The following ESR1 variants were observed in gnomAD, a reference collection of about 807,000 sequenced individuals.
ESR1 encodes the protein estrogen receptor.
A neutral mutation model predicts 52.7 loss-of-function variants in ESR1; 12 were observed. That is an observed-to-expected ratio of 0.23 (90% CI 0.15 to 0.37). The LOEUF is 0.37. Ranked by LOEUF, ESR1 falls within the 10% of genes least tolerant of loss-of-function variation. The pLI is 1.00. For missense variants in ESR1, 584 were observed against 779.7 expected (o/e 0.75, Z 2.99); for synonymous variants, 305 against 316.8 (o/e 0.96, Z 0.39).
chr6:151,982,200 A>G (rs528051349), intron 4 of ESR1, among the ~76,000 whole-genome samples: 1 of 152,324 alleles, frequency 6.6e-6, no homozygotes, highest in African/African-American at 2.4e-5. Context: ...AACGCCAGGG[A>G]AAAAGAGGGA....
chr6:151,672,827 ATTTTT>A (rs11365774), intron 1 of ESR1, among the ~76,000 whole-genome samples: 1 of 121,154 alleles, frequency 8.3e-6, no homozygotes. Context: ...TTCATGATCA[ATTTTT>A]TTTTTTTTTT....
At chr6:151,727,039 T>A (rs1225052177) in intron 2 of ESR1, among the ~76,000 whole-genome samples, 1 of 152,154 alleles carries the variant, frequency 6.6e-6, no homozygotes, top group East Asian at 1.9e-4. Flanking sequence ...CTAACTTGGC[T>A]AACAGCAATT....
chr6:151,908,673 T>TATG (rs1156786082), intron 3 of ESR1, among the ~76,000 whole-genome samples: 4 of 152,168 alleles, frequency 2.6e-5, no homozygotes, highest in Non-Finnish European at 5.9e-5. Context: ...TTAACTTTCC[T>TATG]ATCCCTGTAT....
intron 1 of ESR1, among the ~76,000 whole-genome samples, chr6:151,814,365 T>G (rs559607918): frequency 5.3e-4 from 80 of 152,324 alleles, no homozygotes; most frequent in African/African-American, 1.8e-3. Context: ...TACATAGAAG[T>G]TTAAACTCCC....
At chr6:152,014,927 C>T (rs2043051874) in intron 5 of ESR1, among the ~76,000 whole-genome samples, 1 of 152,008 alleles carries the variant, frequency 6.6e-6, no homozygotes, top group Admixed American at 6.6e-5. Flanking sequence ...GTTAGCCGGG[C>T]ATGGTGGCTC....
At chr6:151,962,112 G>A (rs2037738974) in intron 4 of ESR1, among the ~76,000 whole-genome samples, 1 of 152,142 alleles carries the variant, frequency 6.6e-6, no homozygotes, top group South Asian at 2.1e-4. Flanking sequence ...CTTGCTGCTT[G>A]TCTCTTATAA....
intron 2 of ESR1, among the ~76,000 whole-genome samples, chr6:151,851,706 T>G (rs957913450): frequency 1.3e-5 from 2 of 152,116 alleles, no homozygotes; most frequent in Admixed American, 1.3e-4. Context: ...TTTTATATTT[T>G]TAGTAGAGAC....
At chr6:152,113,764 C>T (rs2051175494) in intron 6 of ESR1, among the ~76,000 whole-genome samples, 1 of 152,168 alleles carries the variant, frequency 6.6e-6, no homozygotes, top group African/African-American at 2.4e-5. Flanking sequence ...AACTGTCCCT[C>T]AGTCCTCATC....
upstream of ESR1, chr6:151,807,428 G>A (rs1420705452): frequency 4.9e-6 from 1 of 203,244 alleles, no homozygotes; most frequent in Non-Finnish European, 1.0e-5. Context: ...AGTCTTCCCT[G>A]GGCCACCTTT....
chr6:151,844,692 G>T (rs1489292757), intron 2 of ESR1, among the ~76,000 whole-genome samples: 1 of 152,076 alleles, frequency 6.6e-6, no homozygotes, highest in Non-Finnish European at 1.5e-5. Context: ...TTATTTATCT[G>T]ATCTAAATAC....
At chr6:151,819,320 T>C (rs1009444700) in intron 1 of ESR1, among the ~76,000 whole-genome samples, 1 of 152,132 alleles carries the variant, frequency 6.6e-6, no homozygotes, top group Admixed American at 6.5e-5. Context: ...TATTAATGTA[T>C]AGAGCAGCAG....
At chr6:152,036,102 G>T (rs1371797413) in intron 5 of ESR1, among the ~76,000 whole-genome samples, 1 of 136,318 alleles carries the variant, frequency 7.3e-6, no homozygotes, top group Non-Finnish European at 1.5e-5. Flanking sequence ...AGGCACGGTG[G>T]CTCACGCCTG....
Position 151,815,912 on chromosome 6 carries a change from C to CA in ESR1, c.452+7548_452+7549insA, listed in dbSNP as rs35328766. Among the ~76,000 whole-genome samples, 974 of 152,254 alleles carry CA rather than the reference C, an allele frequency of 6.4e-3. 5 individuals carry two copies. The highest frequency in any genetic ancestry group is 9.3e-3 in the Non-Finnish European group (634 of 68,020). ...TATGATTTTTGCATTTTCATAATCCCTGTTGATGATTTTGCTGTTTAAAAT... is the reference window on the plus strand; with the variant it reads ...TATGATTTTTGCATTTTCATAATCCCATGTTGATGATTTTGCTGTTTAAAAT... On this transcript the variant is annotated intron_variant, in intron 1 of 7. Transcript: ENST00000206249.
upstream of ESR1, among the ~76,000 whole-genome samples, chr6:151,685,891 A>G (rs1778645242): frequency 1.3e-5 from 2 of 152,098 alleles, no homozygotes; most frequent in South Asian, 4.1e-4. Context: ...TCTACAGATG[A>G]AATGTAAAGT....
intron 4 of ESR1, chr6:151,983,352 A>G (rs1027875450): frequency 6.6e-6 from 1 of 152,182 alleles, no homozygotes; most frequent in Admixed American, 6.5e-5. Context: ...TTTATTGAAC[A>G]TGAATTATGG....
chr6:151,773,620 A>C (rs1785701573), intron 2 of ESR1, among the ~76,000 whole-genome samples: 1 of 152,218 alleles, frequency 6.6e-6, no homozygotes, highest in Admixed American at 6.5e-5. Context: ...CTATAGGAGG[A>C]GGCAGGGAGC....
chr6:151,842,379 T>A (rs1784436109), intron 1 of ESR1, among the ~76,000 whole-genome samples: 1 of 152,236 alleles, frequency 6.6e-6, no homozygotes, highest in Non-Finnish European at 1.5e-5. Context: ...GCAGGTAGTA[T>A]GTTTTTAAAA....
intron 3 of ESR1, among the ~76,000 whole-genome samples, chr6:151,921,091 C>T (rs9371229): frequency 0.026 from 4,010 of 152,118 alleles, 119 homozygotes; most frequent in East Asian, 0.076. Context: ...CTCCCCCAAC[C>T]CCAATCTGAC....
intron 3 of ESR1, among the ~76,000 whole-genome samples, chr6:151,905,769 A>C (rs1797342314): frequency 6.6e-6 from 1 of 152,214 alleles, no homozygotes; most frequent in Non-Finnish European, 1.5e-5. Context: ...TCACAAGCAT[A>C]GTTTATAGGC....
Sources: gnomAD v4.1 joint callset for allele counts (sites outside exome capture counted in the v4.1 genomes callset) on GRCh38, gnomAD v4.1.1 for gene constraint, MANE v1.5 for transcripts, NCBI Gene and HGNC (gene_info 2026-07-23, HGNC 2026-07-21) for gene names.